SDC3: variants seen among roughly 807,000 people sequenced by gnomAD.
SDC3 encodes the protein syndecan 3.
A neutral mutation model predicts 24.4 loss-of-function variants in SDC3; 13 were observed. The observed-to-expected ratio is 0.53, with a 90% CI of 0.35 to 0.85. The LOEUF (loss-of-function observed/expected upper bound fraction) is 0.85. SDC3 is among the 40% of genes least tolerant of loss of function. The pLI is 0.01. For missense variants in SDC3, 571 were observed against 584.5 expected (o/e 0.98, Z 0.24); for synonymous variants, 295 against 260.9 (o/e 1.13, Z -1.26).
intron 1 of SDC3, among the ~76,000 whole-genome samples, chr1:30,885,684 C>G (rs1036876855): frequency 6.6e-6 from 1 of 152,240 alleles, no homozygotes; most frequent in Non-Finnish European, 1.5e-5. Context: ...TCACCACAGA[C>G]AGGCTGGCTT....
chr1:30,893,301 G>A (rs1639933491), intron 1 of SDC3, among the ~76,000 whole-genome samples: 1 of 19,142 alleles, frequency 5.2e-5, no homozygotes, highest in Non-Finnish European at 1.0e-4. Context: ...CACCCACCAG[G>A]AGCCCCCCCC....
upstream of SDC3, among the ~76,000 whole-genome samples, chr1:30,909,197 G>A (rs1175277361): frequency 2.0e-5 from 3 of 152,136 alleles, no homozygotes; most frequent in Non-Finnish European, 4.4e-5. Context: ...CACACACTCA[G>A]CCAGTCCACC....
chr1:30,888,779 T>C (rs916501182), intron 1 of SDC3, among the ~76,000 whole-genome samples: 3 of 152,192 alleles, frequency 2.0e-5, no homozygotes, highest in Admixed American at 6.5e-5. Flanking sequence ...CTGCTCCTCT[T>C]CTAGGGACAG....
At chr1:30,886,850 A>G (rs1451770476) in intron 1 of SDC3, among the ~76,000 whole-genome samples, 2 of 152,172 alleles carry the variant, frequency 1.3e-5, no homozygotes, top group African/African-American at 4.8e-5. Flanking sequence ...ACTTGACCAG[A>G]AAGGGATTGC....
At chr1:30,898,643 C>G (rs1420429606) in intron 1 of SDC3, among the ~76,000 whole-genome samples, 1 of 152,194 alleles carries the variant, frequency 6.6e-6, no homozygotes, top group Non-Finnish European at 1.5e-5. Flanking sequence ...GAACCAGAGA[C>G]AAGCCACGTG....
At chr1:30,873,520 T>C (rs1170164435) in intron 4 of SDC3, 143 bp from the exon 5 acceptor site, 2 of 616,372 alleles carry the variant, frequency 3.2e-6, no homozygotes, top group Admixed American at 2.9e-5. Flanking sequence ...ATACTACTAC[T>C]ACCAGCACTG....
Position 30,869,549 on chromosome 1 carries a change from A to AC in SDC3, c.*3661_*3662insG, listed in dbSNP as rs1449748138. On this transcript the variant is annotated 3_prime_UTR_variant, in exon 5 of 5. Coordinates refer to ENST00000339394, the MANE Select transcript of SDC3 (RefSeq NM_014654.4). ...AAAACAAACAAACAAAAAAAAAAAA[A>AC]AAAAAAAAAAAACAAAAACAAAACC... 9 of 392,924 alleles carry AC rather than the reference A, an allele frequency of 2.3e-5. No homozygotes were observed. The highest frequency in any genetic ancestry group is 4.0e-5 in the Non-Finnish European group (9 of 225,756). 24.3% of individuals were successfully genotyped at this position (392,924 alleles called of 1,614,324 possible).
At chr1:30,894,294 A>AGT in intron 1 of SDC3, among the ~76,000 whole-genome samples, 1 of 92,874 alleles carries the variant, frequency 1.1e-5, no homozygotes, top group East Asian at 3.5e-4. Flanking sequence ...GGAGTGAGAG[A>AGT]GTGTGTGGGG....
intron 1 of SDC3, among the ~76,000 whole-genome samples, chr1:30,884,567 T>A (rs1639801403): frequency 6.6e-6 from 1 of 151,848 alleles, no homozygotes; most frequent in South Asian, 2.1e-4. Context: ...GATGCCCTTT[T>A]TCCCACTGTG....
chr1:30,890,470 T>C (rs1318320843), intron 1 of SDC3, among the ~76,000 whole-genome samples: 1 of 152,218 alleles, frequency 6.6e-6, no homozygotes, highest in African/African-American at 2.4e-5. Context: ...AATAGATTAG[T>C]GACAGCCTAT....
chr1:30,877,291 A>G (rs1639662784), intron 2 of SDC3, 126 bp from the exon 3 acceptor site: 2 of 1,250,062 alleles, frequency 1.6e-6, no homozygotes, highest in African/African-American at 3.0e-5. Context: ...CAATTTTCCC[A>G]GAAAAGATGA....
intron 2 of SDC3, 103 bp from the exon 3 acceptor site, chr1:30,877,268 C>T (rs1362066889): frequency 6.9e-7 from 1 of 1,451,830 alleles, no homozygotes; most frequent in Admixed American, 1.9e-5. Context: ...TCTCCCAACC[C>T]CCTCTCTTTA....
intron 1 of SDC3, among the ~76,000 whole-genome samples, chr1:30,900,992 C>T (rs1272575359): frequency 6.6e-6 from 1 of 152,158 alleles, no homozygotes; most frequent in Non-Finnish European, 1.5e-5. Context: ...GTCCCAGCTG[C>T]ACCCCCAGAA....
chr1:30,876,413 G>C (rs1238458959), intron 3 of SDC3, 139 bp downstream of exon 3: 2 of 654,260 alleles, frequency 3.1e-6, no homozygotes, highest in Admixed American at 3.5e-5. Flanking sequence ...CTGTCCCTTG[G>C]TCCTGCCCCT....
In SDC3 at chr1:30,908,613, G is replaced by A; in HGVS notation, c.-27C>T. 1.1e-6 allele frequency: 1 copy of A among 927,260 alleles called. No individual in the cohort carries two copies. Among genetic ancestry groups the A allele is most frequent in the Non-Finnish European group, 1.3e-6 (1 of 780,686 alleles). The allele number at this position is 927,260 out of a possible 1,614,324, so 57.4% of individuals were successfully genotyped here. On this transcript the variant is annotated 5_prime_UTR_variant, in exon 1 of 5. Transcript: ENST00000339394. ...GCGGCGGCGCGGGCGCGGGCGGCGG[G>A]CGGCGGGCGGGCGCCTTTGTTCCCG...
At chr1:30,874,728 G>T in intron 3 of SDC3, 140 bp from the exon 4 acceptor site, 1 of 770,526 alleles carries the variant, frequency 1.3e-6, no homozygotes, top group Non-Finnish European at 2.1e-6. Context: ...CCATGAAGGA[G>T]TGTAACAATG....
rs990913884 is a variant in SDC3 at position 30,871,215 on chromosome 1, C to T, written c.*1996G>A. The T allele has an allele frequency of 6.6e-6, 1 of 152,282 alleles. No individual in the cohort carries two copies. Among genetic ancestry groups the T allele is most frequent in the Non-Finnish European group, 1.5e-5 (1 of 68,088 alleles). The allele number at this position is 152,282 out of a possible 1,614,324, so 9.4% of individuals were successfully genotyped here. A position where few individuals can be genotyped will look rare whatever the true frequency, so the allele number is the denominator to read the frequency against. ...CCTCACTGCCTACACACCGCTACCC[C>T]TCATCCTGCAGAAATCTGCTGCCAG... On this transcript the variant is annotated 3_prime_UTR_variant, in exon 5 of 5. Coordinates refer to ENST00000339394, the MANE Select transcript of SDC3 (RefSeq NM_014654.4).
intron 1 of SDC3, among the ~76,000 whole-genome samples, chr1:30,893,736 AG>A (rs1462588679): frequency 6.6e-6 from 1 of 152,088 alleles, no homozygotes; most frequent in Non-Finnish European, 1.5e-5. Context: ...TTCCCCAGGC[AG>A]GTGGTGAAAT....
intron 1 of SDC3, among the ~76,000 whole-genome samples, chr1:30,882,031 C>T (rs182783018): frequency 6.6e-6 from 1 of 152,288 alleles, no homozygotes; most frequent in Admixed American, 6.5e-5. Flanking sequence ...CTATGCAGCT[C>T]ATAGCATTGC....
Sources: allele counts gnomAD v4.1 joint callset (sites outside exome capture counted in the v4.1 genomes callset), GRCh38; gene constraint gnomAD v4.1.1; transcripts MANE v1.5; gene names NCBI Gene and HGNC (gene_info 2026-07-23, HGNC 2026-07-21).